The following C8orf34 variants were observed in gnomAD, a reference collection of about 807,000 sequenced individuals.
The protein encoded by C8orf34 is uncharacterized protein C8orf34.
C8orf34 carries 65 observed loss-of-function variants against 68.3 expected under a neutral mutation model. The ratio of observed to expected loss-of-function variants is 0.95; its 90% CI spans 0.78 to 1.17. The LOEUF (loss-of-function observed/expected upper bound fraction) is 1.17. C8orf34 is among the 50% of genes most tolerant of loss of function. The pLI is 0.00. For missense variants in C8orf34, 664 were observed against 655.4 expected, an observed-to-expected ratio of 1.01 and a Z score of -0.14; for synonymous variants, 244 against 241.2, an observed-to-expected ratio of 1.01 and a Z score of -0.11.
chr8:68,804,494 A>G (rs1475179876), intron 12 of C8orf34, among the ~76,000 whole-genome samples: 1 of 152,206 alleles, frequency 6.6e-6, no homozygotes, highest in Non-Finnish European at 1.5e-5. Context: ...CAGAAAAACA[A>G]CTGGGTTTAA....
chr8:68,764,801 C>T (rs1823122708), intron 10 of C8orf34, among the ~76,000 whole-genome samples: 1 of 152,154 alleles, frequency 6.6e-6, no homozygotes, highest in South Asian at 2.1e-4. Flanking sequence ...TGCCGTCTTA[C>T]TCCCTTGTCT....
At chr8:68,740,379 A>G (rs934178428) in intron 10 of C8orf34, among the ~76,000 whole-genome samples, 2 of 152,206 alleles carry the variant, frequency 1.3e-5, no homozygotes, top group African/African-American at 4.8e-5. Context: ...TTCAGCATCT[A>G]TAGGGAACTT....
intron 1 of C8orf34, among the ~76,000 whole-genome samples, chr8:68,435,329 A>G (rs980145268): frequency 6.6e-6 from 1 of 152,098 alleles, no homozygotes; most frequent in East Asian, 1.9e-4. Flanking sequence ...TGTGCTAAAT[A>G]GGGTTTATTA....
At chr8:68,451,682 A>C (rs1811352050) in intron 3 of C8orf34, among the ~76,000 whole-genome samples, 1 of 152,182 alleles carries the variant, frequency 6.6e-6, no homozygotes, top group South Asian at 2.1e-4. Context: ...GTGGCACCTG[A>C]AAACAATTAC....
At chr8:68,501,908 C>A (rs181760321) in intron 5 of C8orf34, among the ~76,000 whole-genome samples, 2 of 152,090 alleles carry the variant, frequency 1.3e-5, no homozygotes, top group South Asian at 4.1e-4. Context: ...AAAGATCAGT[C>A]AATTTTGTTG....
chr8:68,421,191 C>T (rs903392316), intron 1 of C8orf34, among the ~76,000 whole-genome samples: 1 of 152,126 alleles, frequency 6.6e-6, no homozygotes, highest in African/African-American at 2.4e-5. Flanking sequence ...TTCCCTGTTC[C>T]TCTATTCTAA....
chr8:68,615,531 G>T (rs953186683), intron 7 of C8orf34, among the ~76,000 whole-genome samples: 1 of 152,174 alleles, frequency 6.6e-6, no homozygotes, highest in African/African-American at 2.4e-5. Context: ...GGCCTTTTCT[G>T]CATCTATTGA....
chr8:68,331,783 CTTTTTTTTTTTTTTTTTTT>C (rs552564162), intron 1 of C8orf34, among the ~76,000 whole-genome samples: 2 of 29,512 alleles, frequency 6.8e-5, no homozygotes, highest in East Asian at 6.8e-4. Flanking sequence ...TTCTTTCCTT[CTTTTTTTTTTTTTTTTTTT>C]TTTTTTTTTT....
chr8:68,720,230 C>G (rs1373378983), intron 9 of C8orf34, among the ~76,000 whole-genome samples: 1 of 151,886 alleles, frequency 6.6e-6, no homozygotes. Flanking sequence ...TGTTTTAAAA[C>G]AAAATCCACA....
intron 1 of C8orf34, among the ~76,000 whole-genome samples, chr8:68,436,651 C>T (rs879614703): frequency 2.6e-5 from 4 of 152,080 alleles, no homozygotes; most frequent in South Asian, 2.1e-4. Flanking sequence ...CTGGAAGTGC[C>T]GTTTCCTACT....
At chr8:68,377,692 A>C (rs1807862586) in intron 1 of C8orf34, among the ~76,000 whole-genome samples, 1 of 152,120 alleles carries the variant, frequency 6.6e-6, no homozygotes, top group Non-Finnish European at 1.5e-5. Context: ...AGGTTTGGCA[A>C]TCTCATTTTT....
At chr8:68,758,872 C>T (rs1260077703) in intron 10 of C8orf34, among the ~76,000 whole-genome samples, 3 of 151,964 alleles carry the variant, frequency 2.0e-5, no homozygotes, top group Non-Finnish European at 4.4e-5. Flanking sequence ...TTGTTCTAAA[C>T]TCAGCAGTAA....
intron 4 of C8orf34, among the ~76,000 whole-genome samples, chr8:68,482,745 ATG>A: frequency 6.6e-6 from 1 of 152,292 alleles, no homozygotes; most frequent in South Asian, 2.1e-4. Context: ...AATTTCCATG[ATG>A]TAAATATTCC....
chr8:68,339,416 A>T (rs1348895185), intron 1 of C8orf34, among the ~76,000 whole-genome samples: 2 of 151,978 alleles, frequency 1.3e-5, no homozygotes, highest in Non-Finnish European at 2.9e-5. Flanking sequence ...AATGGTATTA[A>T]AATATGAAAT....
At chr8:68,600,137 T>C (rs1223766037) in intron 7 of C8orf34, among the ~76,000 whole-genome samples, 2 of 152,146 alleles carry the variant, frequency 1.3e-5, no homozygotes, top group Admixed American at 6.5e-5. Flanking sequence ...TATCTGTTTT[T>C]GTGGACTTCT....
chr8:68,464,702 G>T (rs1266536048), intron 3 of C8orf34, among the ~76,000 whole-genome samples: 1 of 150,686 alleles, frequency 6.6e-6, no homozygotes, highest in African/African-American at 2.4e-5. Context: ...AATGGGGAAA[G>T]GATTCCCTAT....
chr8:68,681,655 G>A (rs936106109), intron 8 of C8orf34, among the ~76,000 whole-genome samples: 5 of 152,142 alleles, frequency 3.3e-5, no homozygotes, highest in African/African-American at 1.2e-4. Context: ...CAATTTTACT[G>A]CTAGGCATAT....
At chr8:68,603,710 A>AC (rs1182944168) in intron 7 of C8orf34, among the ~76,000 whole-genome samples, 1 of 152,092 alleles carries the variant, frequency 6.6e-6, no homozygotes, top group African/African-American at 2.4e-5. Context: ...TAATCTGTGG[A>AC]CGAAAAAAAC....
At position 68,489,185 on chromosome 8, in the gene C8orf34, TG is replaced by T. The variant is rs1265557473; in HGVS notation, c.765+1135del. On this transcript the variant is annotated intron_variant, in intron 5 of 13. Coordinates refer to ENST00000518698, the MANE Select transcript of C8orf34 (RefSeq NM_052958.4). Reference sequence around the variant, plus strand: ...CTTCTGCATTCAATCTGTTGTGATATGTTGTTTTGGCTGAAAAATCTCTAAC... The same window carrying T: ...CTTCTGCATTCAATCTGTTGTGATATTTGTTTTGGCTGAAAAATCTCTAAC... 2.0e-5 allele frequency among the ~76,000 whole-genome samples: 3 copies of T among 152,208 alleles called. No individual in the cohort carries two copies. In the East Asian group the frequency reaches 5.8e-4, roughly 29 times the overall value.
Sources: allele counts gnomAD v4.1 joint callset (sites outside exome capture counted in the v4.1 genomes callset), GRCh38; gene constraint gnomAD v4.1.1; transcripts MANE v1.5; gene names NCBI Gene and HGNC (gene_info 2026-07-23, HGNC 2026-07-21).